Variants in SLC26A7 observed in about 807,000 individuals in gnomAD.
SLC26A7 encodes the protein anion exchange transporter.
Under a neutral mutation model 82.5 loss-of-function variants are expected in SLC26A7, and 59 were observed. The ratio of observed to expected loss-of-function variants is 0.72; its 90% CI spans 0.58 to 0.89. The LOEUF (loss-of-function observed/expected upper bound fraction) is 0.89, where lower values mean the gene tolerates loss of function less well. Among genes scored for constraint, SLC26A7 ranks in the 40% least tolerant of loss-of-function variants. The pLI, the probability that SLC26A7 is intolerant of heterozygous loss-of-function variation, is 0.00. For missense variants in SLC26A7, 820 were observed against 793.0 expected (o/e 1.03, Z -0.41); for synonymous variants, 271 against 274.3 (o/e 0.99, Z 0.12).
intron 15 of SLC26A7, among the ~76,000 whole-genome samples, chr8:91,379,974 A>G (rs1193836832): frequency 6.6e-6 from 1 of 152,112 alleles, no homozygotes; most frequent in African/African-American, 2.4e-5. Context: ...AATAAGCAAA[A>G]AACATGAACA....
chr8:91,316,987 C>T (rs1369901333), intron 4 of SLC26A7, among the ~76,000 whole-genome samples: 4 of 49,484 alleles, frequency 8.1e-5, no homozygotes, highest in Middle Eastern at 0.05. Context: ...GACCCTGTCT[C>T]TAAAAAAAAA....
At chr8:91,315,235 G>T (rs1395402811) in intron 4 of SLC26A7, among the ~76,000 whole-genome samples, 6 of 152,098 alleles carry the variant, frequency 3.9e-5, no homozygotes, top group East Asian at 1.9e-4. Context: ...CAAAGATTTG[G>T]ATTACTTGTA....
intron 2 of SLC26A7, among the ~76,000 whole-genome samples, chr8:91,243,776 C>T (rs186464881): frequency 1.4e-3 from 214 of 152,178 alleles, no homozygotes; most frequent in African/African-American, 4.6e-3. Context: ...AGCAGCAAGA[C>T]GGTAGATTTA....
intron 2 of SLC26A7, among the ~76,000 whole-genome samples, chr8:91,276,667 ATTCACACTGGACTGTCCCTCTTTC>A (rs1243431606): frequency 6.6e-6 from 1 of 152,136 alleles, no homozygotes; most frequent in Admixed American, 6.6e-5. Flanking sequence ...TCTCATCAGG[ATTCACACTGGACTGTCCCTCTTTC>A]TACTTGGGTT....
At chr8:91,262,028 A>G (rs1219777196) in intron 2 of SLC26A7, among the ~76,000 whole-genome samples, 1 of 152,020 alleles carries the variant, frequency 6.6e-6, no homozygotes, top group African/African-American at 2.4e-5. Flanking sequence ...TCCTCTTCAG[A>G]GTGTTCAACT....
At chr8:91,220,734 T>C (rs142151225) in intron 2 of SLC26A7, among the ~76,000 whole-genome samples, 2,039 of 152,354 alleles carry the variant, frequency 0.013, 50 homozygotes, top group African/African-American at 0.047. Context: ...TACCATATTT[T>C]CTTTATCCAT....
chr8:91,270,606 A>G (rs1586345333), intron 2 of SLC26A7, among the ~76,000 whole-genome samples: 3 of 152,008 alleles, frequency 2.0e-5, no homozygotes, highest in Admixed American at 6.6e-5. Flanking sequence ...ATGAACACAT[A>G]CTCTTGCCAC....
chr8:91,372,742 G>A (rs930805319), intron 15 of SLC26A7, among the ~76,000 whole-genome samples: 3 of 151,598 alleles, frequency 2.0e-5, no homozygotes, highest in African/African-American at 7.3e-5. Flanking sequence ...ATGAAGTTTT[G>A]AATTATTTTT....
chr8:91,237,739 C>G (rs1279682596), intron 2 of SLC26A7, among the ~76,000 whole-genome samples: 1 of 152,208 alleles, frequency 6.6e-6, no homozygotes, highest in East Asian at 1.9e-4. Flanking sequence ...ATTTCCTTAT[C>G]ACTCATTCAC....
chr8:91,300,079 C>A (rs1312017579), intron 4 of SLC26A7, among the ~76,000 whole-genome samples: 1 of 152,188 alleles, frequency 6.6e-6, no homozygotes, highest in African/African-American at 2.4e-5. Context: ...TTGTGTTAAA[C>A]TGACATCTTT....
intron 14 of SLC26A7, among the ~76,000 whole-genome samples, chr8:91,367,541 G>A (rs965943017): frequency 6.6e-6 from 1 of 150,674 alleles, no homozygotes; most frequent in African/African-American, 2.5e-5. Context: ...GAATCCTTAA[G>A]CCTCTGTAAT....
intron 4 of SLC26A7, among the ~76,000 whole-genome samples, chr8:91,309,942 G>C (rs1218255147): frequency 6.6e-6 from 1 of 152,062 alleles, no homozygotes; most frequent in African/African-American, 2.4e-5. Flanking sequence ...ATGTCCCTGG[G>C]AGGTCATAAG....
At chr8:91,351,555 G>A (rs1483215488) in intron 9 of SLC26A7, among the ~76,000 whole-genome samples, 1 of 152,112 alleles carries the variant, frequency 6.6e-6, no homozygotes, top group Non-Finnish European at 1.5e-5. Flanking sequence ...ATGGTGTCCT[G>A]TTTCTTTGTG....
intron 2 of SLC26A7, among the ~76,000 whole-genome samples, chr8:91,283,645 T>A (rs1811633006): frequency 6.6e-6 from 1 of 152,204 alleles, no homozygotes; most frequent in Non-Finnish European, 1.5e-5. Context: ...TTTAAAGTGC[T>A]TCTCTCCTTA....
intron 9 of SLC26A7, among the ~76,000 whole-genome samples, chr8:91,350,968 G>A (rs1813698995): frequency 1.3e-5 from 2 of 152,122 alleles, no homozygotes; most frequent in South Asian, 4.2e-4. Flanking sequence ...CTTTGATATT[G>A]ATTGTTTGTT....
Position 91,340,390 on chromosome 8 carries a change from C to T in SLC26A7, c.879-14C>T. 6.2e-7 allele frequency: 1 copy of T among 1,612,478 alleles called. No individual in the cohort carries two copies. Among genetic ancestry groups the T allele is most frequent in the Non-Finnish European group, 8.5e-7 (1 of 1,178,986 alleles). On this transcript the variant is annotated splice_polypyrimidine_tract_variant and intron_variant, in intron 7 of 18. Transcript: ENST00000276609. ...TGAAGTTTGATGACTTCAATATGGT[C>T]CTTCTTTCCACAGAATTCCCTCACC...
At chr8:91,371,067 G>T (rs1264890799) in intron 15 of SLC26A7, among the ~76,000 whole-genome samples, 1 of 151,716 alleles carries the variant, frequency 6.6e-6, no homozygotes, top group Non-Finnish European at 1.5e-5. Flanking sequence ...TTAAACATAT[G>T]CTTCAAAATA....
At chr8:91,320,033 T>C (rs1395256160) in intron 5 of SLC26A7, among the ~76,000 whole-genome samples, 1 of 152,074 alleles carries the variant, frequency 6.6e-6, no homozygotes, top group Non-Finnish European at 1.5e-5. Flanking sequence ...TTTACCCTAG[T>C]CTTGTAGATC....
At position 91,318,370 on chromosome 8, in the gene SLC26A7, G is replaced by C; in HGVS notation, c.632G>C (p.Gly211Ala). 6.2e-7 allele frequency: 1 copy of C among 1,602,096 alleles called. No homozygotes were observed. The highest frequency in any genetic ancestry group is 2.3e-5 in the East Asian group (1 of 44,132). ...MKMPYISGPL[G>A]FFYIYAYVFE... ...ATGCCATATATATCCGGACCACTTG[G>C]ATTCTTTTATGTGAGTTTTTCGTAT... Residue 211 changes from glycine to alanine, a missense_variant, in exon 5 of 19, where the codon GGA becomes GCA. Physicochemically the swap from Gly to Ala is moderately conservative, Grantham distance 60. Transcript: ENST00000276609.
Sources: allele counts gnomAD v4.1 joint callset (sites outside exome capture counted in the v4.1 genomes callset), GRCh38; gene constraint gnomAD v4.1.1; transcripts MANE v1.5; gene names NCBI Gene and HGNC (gene_info 2026-07-23, HGNC 2026-07-21).